Variants in ELAVL2 observed in about 807,000 individuals in gnomAD.
ELAVL2 encodes the protein ELAV like RNA binding protein 2.
In ELAVL2, 4 loss-of-function variants were observed where a neutral mutation model predicts 34.6. The observed-to-expected ratio is 0.12, with a 90% CI of 0.06 to 0.26. The LOEUF (loss-of-function observed/expected upper bound fraction) is 0.26. Among genes scored for constraint, ELAVL2 ranks in the 10% least tolerant of loss-of-function variants. ELAVL2 has a pLI of 1.00. For missense variants in ELAVL2, 432 were observed against 442.8 expected (o/e 0.98, Z 0.22); for synonymous variants, 193 against 154.8 (o/e 1.25, Z -1.83).
Position 23,692,569 on chromosome 9 carries a change from C to A in ELAVL2, c.1068G>T (p.Thr356=), listed in dbSNP as rs372576559. The A allele has an allele frequency of 6.2e-7, 1 of 1,612,144 alleles. No individual in the cohort carries two copies. Among genetic ancestry groups the A allele is most frequent in the South Asian group, 1.1e-5 (1 of 90,992 alleles). The change falls in exon 7 of 7, where the codon ACG becomes ACT. Residue 356 remains threonine, a synonymous_variant. Coordinates refer to ENST00000397312, the MANE Select transcript of ELAVL2 (RefSeq NM_004432.5). ...VLQVSFKTNK[T]HKA The stretch of plus-strand genomic sequence containing the variant: ...GGACAAGAGCTCATTAGGCTTTGTG[C>A]GTTTTGTTTGTCTTAAAGGAGACCT...
intron 1 of ELAVL2, among the ~76,000 whole-genome samples, chr9:23,818,832 C>A (rs2064109299): frequency 6.6e-6 from 1 of 152,148 alleles, no homozygotes; most frequent in African/African-American, 2.4e-5. Context: ...TGATAAGAAG[C>A]TTAAGAAGCT....
chr9:23,735,515 C>T (rs890682466), intron 2 of ELAVL2: 1 of 152,148 alleles, frequency 6.6e-6, no homozygotes, highest in Non-Finnish European at 1.5e-5. Flanking sequence ...CTGGCTTCAA[C>T]TGATCTGCCA....
the ELAVL2 span, among the ~76,000 whole-genome samples, chr9:23,844,950 A>T: frequency 6.6e-6 from 1 of 151,872 alleles, no homozygotes; most frequent in Non-Finnish European, 1.5e-5. Context: ...CTTTCTTAAG[A>T]TCCTTTGTTT....
chr9:23,732,331 A>G (rs962954533), intron 2 of ELAVL2, among the ~76,000 whole-genome samples: 1 of 152,238 alleles, frequency 6.6e-6, no homozygotes, highest in Non-Finnish European at 1.5e-5. Context: ...ACAGTGCCCA[A>G]TATGAAAACT....
chr9:23,765,093 T>C (rs367899073), intron 1 of ELAVL2: 22 of 1,599,576 alleles, frequency 1.4e-5, no homozygotes, highest in East Asian at 2.2e-5. Context: ...TAGTTTGGAG[T>C]TGCCGTCTGC....
At chr9:23,786,383 C>G (rs1160101511) in intron 1 of ELAVL2, among the ~76,000 whole-genome samples, 2 of 152,066 alleles carry the variant, frequency 1.3e-5, no homozygotes. Flanking sequence ...CTGAAATTTA[C>G]AGGACATGAA....
At position 23,741,616 on chromosome 9, in the gene ELAVL2, C is replaced by G. The variant is rs547621607; in HGVS notation, c.230-10491G>C. On this transcript the variant is annotated intron_variant, in intron 2 of 6. Transcript: ENST00000397312. The stretch of plus-strand genomic sequence containing the variant: ...GGCTAATCTTGAAACAAACCAGGAA[C>G]AGAGTCCCCACTGCAAAATCCTCAT... Among the ~76,000 whole-genome samples the G allele has an allele frequency of 2.6e-5, 4 of 152,232 alleles. No individual in the cohort carries two copies. In the South Asian group the frequency reaches 6.2e-4, roughly 24 times the overall value.
At chr9:23,714,186 TC>T in intron 3 of ELAVL2, among the ~76,000 whole-genome samples, 1 of 152,244 alleles carries the variant, frequency 6.6e-6, no homozygotes, top group South Asian at 2.1e-4. Flanking sequence ...CAATTGCTCC[TC>T]CCAATAAGTT....
chr9:23,717,832 A>C (rs1036781554), intron 3 of ELAVL2, among the ~76,000 whole-genome samples: 5 of 152,224 alleles, frequency 3.3e-5, no homozygotes, highest in African/African-American at 1.2e-4. Flanking sequence ...AGCAAAGCTA[A>C]CTAGCCCACA....
intron 1 of ELAVL2, among the ~76,000 whole-genome samples, chr9:23,814,313 GA>G (rs2063414590): frequency 6.6e-6 from 1 of 152,086 alleles, no homozygotes; most frequent in Admixed American, 6.5e-5. Context: ...GCCCAAGCAG[GA>G]TAAGAAAATA....
chr9:23,847,404 T>C, the ELAVL2 span: 1 of 152,110 alleles, frequency 6.6e-6, no homozygotes, highest in Non-Finnish European at 1.5e-5. Context: ...ACTTTTTCAC[T>C]TAAAGTGAGT....
At chr9:23,841,226 A>G in the ELAVL2 span, among the ~76,000 whole-genome samples, 1 of 152,098 alleles carries the variant, frequency 6.6e-6, no homozygotes, top group Non-Finnish European at 1.5e-5. Context: ...TCAAGAGAAG[A>G]TGATGAGGAG....
intron 1 of ELAVL2, among the ~76,000 whole-genome samples, chr9:23,815,359 T>C (rs533352465): frequency 6.6e-6 from 1 of 152,198 alleles, no homozygotes; most frequent in Non-Finnish European, 1.5e-5. Flanking sequence ...GGTATAAATA[T>C]GTCTATTTCC....
At chr9:23,822,337 C>A (rs1295293836) in intron 1 of ELAVL2, among the ~76,000 whole-genome samples, 2 of 152,134 alleles carry the variant, frequency 1.3e-5, no homozygotes, top group South Asian at 2.1e-4. Flanking sequence ...TAGAGAGAAC[C>A]TGACGTTTAA....
intron 2 of ELAVL2, among the ~76,000 whole-genome samples, chr9:23,737,866 G>T (rs867547007): frequency 6.6e-6 from 1 of 152,228 alleles, no homozygotes; most frequent in Non-Finnish European, 1.5e-5. Flanking sequence ...AAGCAAAATG[G>T]AAAGATTCGC....
At chr9:23,734,798 A>T (rs2047417818) in intron 2 of ELAVL2, among the ~76,000 whole-genome samples, 1 of 152,058 alleles carries the variant, frequency 6.6e-6, no homozygotes, top group Admixed American at 6.5e-5. Context: ...TTTAAAAATA[A>T]AAGCAGTAGC....
chr9:23,804,204 C>T (rs1588667455), intron 1 of ELAVL2, among the ~76,000 whole-genome samples: 1 of 150,036 alleles, frequency 6.7e-6, no homozygotes. Context: ...GACGGCGTCT[C>T]GCTCTGTCGC....
At chr9:23,773,322 C>T (rs1433287258) in intron 1 of ELAVL2, among the ~76,000 whole-genome samples, 1 of 152,118 alleles carries the variant, frequency 6.6e-6, no homozygotes, top group Non-Finnish European at 1.5e-5. Flanking sequence ...CACCCAATTT[C>T]GAACAACCCC....
intron 3 of ELAVL2, among the ~76,000 whole-genome samples, chr9:23,717,970 T>C (rs2042735806): frequency 6.6e-6 from 1 of 152,174 alleles, no homozygotes; most frequent in Non-Finnish European, 1.5e-5. Context: ...TCAAAAACTT[T>C]TACATTTGCT....
Sources: gnomAD v4.1 joint callset for allele counts (sites outside exome capture counted in the v4.1 genomes callset) on GRCh38, gnomAD v4.1.1 for gene constraint, MANE v1.5 for transcripts, NCBI Gene and HGNC (gene_info 2026-07-23, HGNC 2026-07-21) for gene names.